CWF19L2: variants seen among roughly 807,000 people sequenced by gnomAD.
CWF19L2 encodes the protein CWF19 like cell cycle control factor 2.
A neutral mutation model predicts 111.7 loss-of-function variants in CWF19L2; 98 were observed. The observed-to-expected ratio is 0.88, with a 90% CI of 0.75 to 1.04. The LOEUF (loss-of-function observed/expected upper bound fraction) is 1.04. Among genes scored for constraint, CWF19L2 ranks in the 50% least tolerant of loss-of-function variants. CWF19L2 has a pLI of 0.00. For missense variants in CWF19L2, 1,101 were observed against 1,051.4 expected (o/e 1.05, Z -0.65); for synonymous variants, 351 against 342.9 (o/e 1.02, Z -0.26).
At chr11:107,374,068 G>GA (rs1839088126) in intron 12 of CWF19L2, among the ~76,000 whole-genome samples, 1 of 136,556 alleles carries the variant, frequency 7.3e-6, no homozygotes, top group South Asian at 2.5e-4. Context: ...GAAGTTTAGA[G>GA]AAAAAAGAAT....
Position 107,353,626 on chromosome 11 carries a change from A to T in CWF19L2, c.1983T>A (p.Ala661=). 1 of 1,613,858 alleles carries T rather than the reference A, an allele frequency of 6.2e-7. No homozygotes were observed. Among genetic ancestry groups the T allele is most frequent in the Admixed American group, 1.7e-5 (1 of 60,012 alleles). ...GEEEENQRKK[A]IAEHRSLAAQ... is the part of the protein sequence containing the mutation. ...CAGCAAGACTCCGATGCTCAGCAAT[A>T]GCTTTTTTCCTTTGGTTCTCTTCCT... The change falls in exon 13 of 18, where the codon GCT becomes GCA. Residue 661 remains alanine (A), a synonymous_variant. Coordinates refer to ENST00000282251, the MANE Select transcript of CWF19L2 (RefSeq NM_152434.3).
chr11:107,362,196 G>T (rs374993837), intron 12 of CWF19L2, among the ~76,000 whole-genome samples: 3 of 47,070 alleles, frequency 6.4e-5, no homozygotes, highest in Admixed American at 4.3e-4. Context: ...CTCGCTGATT[G>T]CTACCACAGC....
chr11:107,355,002 A>T (rs1251460540), intron 12 of CWF19L2, among the ~76,000 whole-genome samples: 2 of 152,156 alleles, frequency 1.3e-5, no homozygotes, highest in African/African-American at 4.8e-5. Context: ...ACTGTATCAC[A>T]CTCATTAACT....
intron 10 of CWF19L2, among the ~76,000 whole-genome samples, chr11:107,405,839 C>CA (rs1555023830): frequency 0.17 from 13,949 of 81,120 alleles, 1,251 homozygotes; most frequent in African/African-American, 0.3. Context: ...TGAAGCAAGC[C>CA]AAAAAAAAAA....
chr11:107,385,036 G>C (rs760410560), intron 12 of CWF19L2, among the ~76,000 whole-genome samples: 1 of 152,132 alleles, frequency 6.6e-6, no homozygotes, highest in Non-Finnish European at 1.5e-5. Flanking sequence ...ACTTTTAAGA[G>C]TGAAAGGATT....
At chr11:107,386,925 G>A (rs1218852314) in intron 12 of CWF19L2, among the ~76,000 whole-genome samples, 4 of 151,844 alleles carry the variant, frequency 2.6e-5, no homozygotes, top group African/African-American at 4.8e-5. Flanking sequence ...ATGGTGGTGC[G>A]TGCCTATAGT....
At chr11:107,327,477 C>G (rs1382920808) in intron 17 of CWF19L2, among the ~76,000 whole-genome samples, 2 of 152,140 alleles carry the variant, frequency 1.3e-5, no homozygotes, top group African/African-American at 4.8e-5. Context: ...TCTCTGCTAC[C>G]AAGTATATTT....
At chr11:107,355,425 A>T (rs1860222793) in intron 12 of CWF19L2, among the ~76,000 whole-genome samples, 1 of 151,884 alleles carries the variant, frequency 6.6e-6, no homozygotes, top group Non-Finnish European at 1.5e-5. Context: ...CAAAAAAAAA[A>T]AAAACAAACA....
chr11:107,374,531 G>A (rs1174757490), intron 12 of CWF19L2, among the ~76,000 whole-genome samples: 1 of 133,028 alleles, frequency 7.5e-6, no homozygotes, highest in Non-Finnish European at 1.6e-5. Flanking sequence ...AGCTTCCTAA[G>A]TGAAGGAGAA....
At chr11:107,343,060 A>G (rs1860028329) in intron 14 of CWF19L2, among the ~76,000 whole-genome samples, 2 of 152,228 alleles carry the variant, frequency 1.3e-5, no homozygotes, top group African/African-American at 4.8e-5. Flanking sequence ...CTCCAGAACC[A>G]TAAGAAAATA....
At chr11:107,431,848 T>A (rs1861469773) in intron 7 of CWF19L2, among the ~76,000 whole-genome samples, 1 of 152,080 alleles carries the variant, frequency 6.6e-6, no homozygotes, top group Admixed American at 6.6e-5. Context: ...TCATTTCAAA[T>A]TAGTGAGAAA....
Position 107,336,727 on chromosome 11 carries a change from AGAACTAGGT to A in CWF19L2, c.2203-23_2203-15del. On this transcript the variant is annotated splice_polypyrimidine_tract_variant and intron_variant, in intron 14 of 17. Coordinates refer to ENST00000282251, the MANE Select transcript of CWF19L2 (RefSeq NM_152434.3). The stretch of plus-strand genomic sequence containing the variant: ...TTTTCTGAACATCTAAAAAAAAAAA[AGAACTAGGT>A]AAAGAAAACACTTAAAGGAGATTCA... 1 of 1,314,814 alleles carries A rather than the reference AGAACTAGGT, an allele frequency of 7.6e-7. No individual in the cohort carries two copies. The highest frequency in any genetic ancestry group is 1.0e-6 in the Non-Finnish European group (1 of 966,052). 81.4% of individuals were successfully genotyped at this position (1,314,814 alleles called of 1,614,324 possible).
In CWF19L2 at chr11:107,390,139, C is replaced by T; in HGVS notation, c.1807G>A (p.Val603Ile). The T allele has an allele frequency of 6.2e-7, 1 of 1,612,394 alleles. No individual in the cohort carries two copies. The highest frequency in any genetic ancestry group is 8.5e-7 in the Non-Finnish European group (1 of 1,178,984). ...GCTGTTCCCATCTTTTCATTTTTGACTAAATCATTTAGGCTTAGATTATCA... is the reference window on the plus strand; with the variant it reads ...GCTGTTCCCATCTTTTCATTTTTGATTAAATCATTTAGGCTTAGATTATCA... ...DDDNLSLNDLVKNEKMGTAEN... is the reference protein window; with the variant it reads ...DDDNLSLNDLIKNEKMGTAEN... Residue 603 changes from valine (V) to isoleucine (I), a missense_variant, in exon 12 of 18, where the codon GTC becomes ATC. Physicochemically the swap from Val to Ile is conservative, Grantham distance 29 (BLOSUM62 3). Coordinates refer to ENST00000282251, the MANE Select transcript of CWF19L2 (RefSeq NM_152434.3).
intron 12 of CWF19L2, among the ~76,000 whole-genome samples, chr11:107,380,046 C>CTAAAAAAAAAAAAA (rs1860659782): frequency 2.9e-5 from 1 of 34,490 alleles, no homozygotes; most frequent in Non-Finnish European, 5.1e-5. Flanking sequence ...GACACCGTCT[C>CTAAAAAAAAAAAAA]AAAAAAAAAA....
intron 3 of CWF19L2, among the ~76,000 whole-genome samples, chr11:107,448,765 T>C (rs532191252): frequency 3.3e-5 from 5 of 152,208 alleles, no homozygotes; most frequent in Admixed American, 2.6e-4. Context: ...CCTTCTGCCA[T>C]ATGAGGTTAG....
At chr11:107,408,027 T>G (rs899737823) in intron 10 of CWF19L2, among the ~76,000 whole-genome samples, 1 of 151,964 alleles carries the variant, frequency 6.6e-6, no homozygotes, top group Admixed American at 6.6e-5. Flanking sequence ...ATAAATAGAA[T>G]AGCTTTTCCT....
intron 12 of CWF19L2, among the ~76,000 whole-genome samples, chr11:107,373,164 C>A (rs2134573371): frequency 7.9e-6 from 1 of 126,348 alleles, no homozygotes; most frequent in Admixed American, 7.7e-5. Flanking sequence ...CAGCTGAGAT[C>A]AAACTGCAAG....
intron 9 of CWF19L2, among the ~76,000 whole-genome samples, chr11:107,417,675 G>A (rs1861246067): frequency 6.6e-6 from 1 of 151,862 alleles, no homozygotes. Flanking sequence ...AAGTTCCTTA[G>A]TATCTTCAAT....
chr11:107,455,923 A>G, intron 1 of CWF19L2, 147 bp from the exon 2 acceptor site: 2 of 569,030 alleles, frequency 3.5e-6, no homozygotes, highest in Non-Finnish European at 6.2e-6. Flanking sequence ...TTGCTTCTCC[A>G]GTGTAAAAAA....
Sources: allele counts gnomAD v4.1 joint callset (sites outside exome capture counted in the v4.1 genomes callset), GRCh38; gene constraint gnomAD v4.1.1; transcripts MANE v1.5; gene names NCBI Gene and HGNC (gene_info 2026-07-23, HGNC 2026-07-21).